TTC4: variants seen among roughly 807,000 people sequenced by gnomAD.
TTC4 encodes hsp70/Hsp90 co-chaperone CNS1 homolog.
In TTC4, 36 loss-of-function variants were observed where a neutral mutation model predicts 51.9. That is an observed-to-expected ratio of 0.69 (90% CI 0.53 to 0.92). The LOEUF (loss-of-function observed/expected upper bound fraction) is 0.92. Ranked by LOEUF, TTC4 falls within the 40% of genes least tolerant of loss-of-function variation. The pLI is 0.00. For missense variants in TTC4, 399 were observed against 454.6 expected (o/e 0.88, Z 1.11); for synonymous variants, 144 against 164.2 (o/e 0.88, Z 0.94).
chr1:54,733,217 G>A (rs1328687259), intron 7 of TTC4, among the ~76,000 whole-genome samples: 1 of 151,382 alleles, frequency 6.6e-6, no homozygotes, highest in Non-Finnish European at 1.5e-5. Flanking sequence ...AGGAGTTTGA[G>A]ACCAGCCTGG....
chr1:54,733,746 AATTTTTTTTT>A (rs60243728), intron 8 of TTC4, 36 bp downstream of exon 8: 65,441 of 1,078,000 alleles, frequency 0.061, 1,686 homozygotes, highest in African/African-American at 0.11. Context: ...CTATGGAATT[AATTTTTTTTT>A]TTTTTTTTTT....
chr1:54,738,282 A>G (rs541728200), intron 9 of TTC4, among the ~76,000 whole-genome samples: 13 of 152,028 alleles, frequency 8.6e-5, no homozygotes, highest in African/African-American at 3.1e-4. Context: ...ACATACCCCC[A>G]TGATTCAGTC....
intron 7 of TTC4, 66 bp from the exon 8 acceptor site, chr1:54,733,563 G>T: frequency 7.6e-7 from 1 of 1,313,654 alleles, no homozygotes; most frequent in South Asian, 1.4e-5. Flanking sequence ...ATTAGTGTCT[G>T]GGGACCGATG....
chr1:54,727,007 T>G (rs1160151855), intron 5 of TTC4, among the ~76,000 whole-genome samples: 4 of 150,034 alleles, frequency 2.7e-5, no homozygotes, highest in African/African-American at 9.8e-5. Context: ...GATCATAATA[T>G]TCACATAGAA....
At chr1:54,738,020 C>T (rs1645967942) in intron 9 of TTC4, among the ~76,000 whole-genome samples, 1 of 152,170 alleles carries the variant, frequency 6.6e-6, no homozygotes, top group Non-Finnish European at 1.5e-5. Context: ...CCTGCCTCAG[C>T]CTCCTGAGTA....
intron 1 of TTC4, 137 bp from the exon 2 acceptor site, chr1:54,716,463 C>A: frequency 1.5e-6 from 1 of 661,324 alleles, no homozygotes. Context: ...AGAAGGGAAG[C>A]GGAGGCCTGA....
At chr1:54,717,374 C>T (rs948610618) in intron 2 of TTC4, 118 bp from the exon 3 acceptor site, 10 of 889,542 alleles carry the variant, frequency 1.1e-5, no homozygotes, top group African/African-American at 7.0e-5. Context: ...GTTTCCTTTC[C>T]CTATTGGTTT....
chr1:54,731,590 T>C lies in TTC4; in HGVS notation c.786T>C (p.His262=), dbSNP rs773665701. 1.9e-6 allele frequency: 3 copies of C among 1,614,112 alleles called. No individual in the cohort carries two copies. The highest frequency in any genetic ancestry group is 2.5e-6 in the Non-Finnish European group (3 of 1,180,022). Residue 262 remains histidine, a synonymous_variant, in exon 7 of 10, where the codon CAT becomes CAC. Coordinates refer to ENST00000371281, the MANE Select transcript of TTC4 (RefSeq NM_004623.5). ...FLDGLSTENP[H]GARLSLDGQG... Reference sequence around the variant, plus strand: ...ATGGACTCAGCACTGAGAACCCCCATGGAGCCAGGCTGAGTCTAGATGGCC... The same window carrying C: ...ATGGACTCAGCACTGAGAACCCCCACGGAGCCAGGCTGAGTCTAGATGGCC...
chr1:54,728,559 G>A (rs1645827939), intron 6 of TTC4, 127 bp downstream of exon 6: 8 of 981,586 alleles, frequency 8.2e-6, no homozygotes, highest in East Asian at 2.9e-5. Flanking sequence ...CTTTGGTAAA[G>A]CAGTGTGACA....
At chr1:54,736,072 A>G (rs897784640) in intron 8 of TTC4, among the ~76,000 whole-genome samples, 4 of 152,050 alleles carry the variant, frequency 2.6e-5, no homozygotes, top group Non-Finnish European at 4.4e-5. Context: ...CAATAAGTGT[A>G]TAAGTGTATC....
In TTC4 at chr1:54,742,185, T is replaced by C. The variant is rs1646019413; in HGVS notation, c.*672T>C. ...TGGCCTCTTGAGTTCCTCTGCAGTT[T>C]TGACATTTAGGATTTTGTGTCTTTT... On this transcript the variant is annotated 3_prime_UTR_variant, in exon 10 of 10. Transcript: ENST00000371281. 1 of 152,276 alleles carries C rather than the reference T, an allele frequency of 6.6e-6. No individual in the cohort carries two copies. The highest frequency in any genetic ancestry group is 2.4e-5 in the African/African-American group (1 of 41,458). The allele number at this position is 152,276 out of a possible 1,614,324, so 9.4% of individuals were successfully genotyped here. A position where few individuals can be genotyped will look rare whatever the true frequency, so the allele number is the denominator to read the frequency against.
At position 54,715,924 on chromosome 1, in the gene TTC4, C is replaced by T. The variant is rs1029413943; in HGVS notation, c.16C>T (p.Gln6Ter). ...GGCATCAGCTATGGAACAACCTGGG[C>T]AGGATCCCACCTCAGACGACGTCAT... The part of the protein sequence containing the change: MEQPG[Q>*]DPTSDDVMDS... Residue 6 changes from glutamine (Q) to a stop codon, truncating the protein, a stop_gained, in exon 1 of 10, where the codon CAG (glutamine) becomes TAG (stop). Transcript: ENST00000371281. LOFTEE classifies it high-confidence loss of function. 1.9e-5 allele frequency: 31 copies of T among 1,606,582 alleles called. No homozygotes were observed. The highest frequency in any genetic ancestry group is 2.1e-5 in the Non-Finnish European group (25 of 1,177,020).
chr1:54,716,548 A>T (rs1557739983), intron 1 of TTC4, 52 bp from the exon 2 acceptor site: 9 of 1,424,424 alleles, frequency 6.3e-6, no homozygotes, highest in Non-Finnish European at 8.7e-6. Flanking sequence ...ATGGAATTGG[A>T]TCTGCTCAGT....
intron 1 of TTC4, 160 bp downstream of exon 1, chr1:54,716,179 C>T (rs1645673482): frequency 1.5e-6 from 1 of 646,326 alleles, no homozygotes; most frequent in African/African-American, 1.9e-5. Flanking sequence ...GGTTTTGAGT[C>T]GCTTCTTAAG....
At chr1:54,727,688 C>CAAAAAA (rs200521894) in intron 5 of TTC4, among the ~76,000 whole-genome samples, 4 of 43,602 alleles carry the variant, frequency 9.2e-5, no homozygotes, top group East Asian at 4.5e-4. Flanking sequence ...CTCATCTCTA[C>CAAAAAA]AAAAAAAAAA....
rs1300174374 is a variant in TTC4, at chr1:54,742,646, C to A, written c.*1133C>A. ...TACATGAGTAAACTGAAGCCAGCTG[C>A]TGTCCTTAAAAGTGGACTAATTTGA... On this transcript the variant is annotated 3_prime_UTR_variant, in exon 10 of 10. Transcript: ENST00000371281. 1.3e-5 allele frequency: 2 copies of A among 152,260 alleles called. No individual in the cohort carries two copies. The highest frequency in any genetic ancestry group is 2.9e-5 in the Non-Finnish European group (2 of 68,068). 9.4% of individuals were successfully genotyped at this position (152,260 alleles called of 1,614,324 possible).
At chr1:54,731,901 C>G (rs1304255967) in intron 7 of TTC4, among the ~76,000 whole-genome samples, 2 of 151,966 alleles carry the variant, frequency 1.3e-5, no homozygotes, top group African/African-American at 4.8e-5. Flanking sequence ...ACAAAAGTCT[C>G]ATCGTCATAC....
chr1:54,735,200 C>G (rs894784820), intron 8 of TTC4, among the ~76,000 whole-genome samples: 2 of 152,064 alleles, frequency 1.3e-5, no homozygotes, highest in Non-Finnish European at 2.9e-5. Context: ...TTCCTTCTGA[C>G]TAGATTTGGA....
At chr1:54,721,522 T>A (rs1645743262) in intron 4 of TTC4, among the ~76,000 whole-genome samples, 1 of 152,180 alleles carries the variant, frequency 6.6e-6, no homozygotes, top group Non-Finnish European at 1.5e-5. Context: ...CCAAATTAGC[T>A]GATTGAAAGG....
Sources: gnomAD v4.1 joint callset for allele counts (sites outside exome capture counted in the v4.1 genomes callset) on GRCh38, gnomAD v4.1.1 for gene constraint, MANE v1.5 for transcripts, NCBI Gene and HGNC (gene_info 2026-07-23, HGNC 2026-07-21) for gene names.